Variants in ATXN1 observed in about 807,000 individuals in gnomAD.
The protein encoded by ATXN1 is ataxin 1, also known as ataxin-1.
Under a neutral mutation model 56.4 loss-of-function variants are expected in ATXN1, and 8 were observed. The observed-to-expected ratio is 0.14, with a 90% CI of 0.08 to 0.26. The LOEUF is 0.26. Among genes scored for constraint, ATXN1 ranks in the 10% least tolerant of loss-of-function variants. ATXN1 has a pLI of 1.00. For missense variants in ATXN1, 987 were observed against 1,106.5 expected (o/e 0.89, Z 1.53); for synonymous variants, 514 against 494.6 (o/e 1.04, Z -0.52).
chr6:16,443,269 G>T (rs1042421966), intron 6 of ATXN1, among the ~76,000 whole-genome samples: 1 of 121,366 alleles, frequency 8.2e-6, no homozygotes, highest in African/African-American at 3.1e-5. Flanking sequence ...TAATAAAAAT[G>T]AAAGATATGC....
chr6:16,344,425 C>T (rs1215832553), intron 6 of ATXN1, among the ~76,000 whole-genome samples: 1 of 152,198 alleles, frequency 6.6e-6, no homozygotes, highest in Non-Finnish European at 1.5e-5. Context: ...AAGACCCACC[C>T]TCAATCTGGG....
chr6:16,540,001 CAG>C (rs776519078), intron 4 of ATXN1, among the ~76,000 whole-genome samples: 1 of 152,198 alleles, frequency 6.6e-6, no homozygotes, highest in Non-Finnish European at 1.5e-5. Flanking sequence ...GCCACAGAAA[CAG>C]AGTACTGTTC....
chr6:16,568,628 T>TG (rs1313592067), intron 4 of ATXN1, among the ~76,000 whole-genome samples: 1 of 151,078 alleles, frequency 6.6e-6, no homozygotes, highest in Non-Finnish European at 1.5e-5. Flanking sequence ...GACTTACAAA[T>TG]GAACTTTCTT....
chr6:16,560,052 G>T (rs1356469602), intron 4 of ATXN1, among the ~76,000 whole-genome samples: 1 of 151,964 alleles, frequency 6.6e-6, no homozygotes, highest in Non-Finnish European at 1.5e-5. Flanking sequence ...ATTCAAATTT[G>T]CCCTCTGTTG....
At chr6:16,644,835 G>A (rs1285410424) in intron 3 of ATXN1, among the ~76,000 whole-genome samples, 4 of 152,138 alleles carry the variant, frequency 2.6e-5, no homozygotes, top group African/African-American at 9.7e-5. Flanking sequence ...CAAAGCCTCT[G>A]AAAATCAGCA....
intron 4 of ATXN1, among the ~76,000 whole-genome samples, chr6:16,569,210 G>C (rs1036094751): frequency 2.0e-4 from 30 of 152,190 alleles, no homozygotes; most frequent in African/African-American, 7.0e-4. Context: ...TCAGACCCGG[G>C]TGGTTTAAAA....
chr6:16,744,572 C>T (rs1760460983), intron 2 of ATXN1, among the ~76,000 whole-genome samples: 1 of 152,042 alleles, frequency 6.6e-6, no homozygotes, highest in South Asian at 2.1e-4. Flanking sequence ...AGAGAGGATG[C>T]CACAGCCAGG....
intron 2 of ATXN1, among the ~76,000 whole-genome samples, chr6:16,721,538 G>C (rs920504573): frequency 6.6e-6 from 1 of 152,098 alleles, no homozygotes; most frequent in Non-Finnish European, 1.5e-5. Context: ...GGAACAAGAG[G>C]ACTGCTTGAG....
At chr6:16,645,773 A>G (rs1248394395) in intron 3 of ATXN1, among the ~76,000 whole-genome samples, 2 of 152,242 alleles carry the variant, frequency 1.3e-5, no homozygotes, top group Non-Finnish European at 2.9e-5. Context: ...TAACTTAACC[A>G]GTTTATTTCT....
At chr6:16,479,433 T>C (rs538975329) in intron 6 of ATXN1, among the ~76,000 whole-genome samples, 4 of 152,226 alleles carry the variant, frequency 2.6e-5, no homozygotes, top group Non-Finnish European at 5.9e-5. Flanking sequence ...ATTTATTACA[T>C]AGCTACCACT....
chr6:16,556,960 T>C (rs1448051609), intron 4 of ATXN1, among the ~76,000 whole-genome samples: 1 of 152,108 alleles, frequency 6.6e-6, no homozygotes, highest in Non-Finnish European at 1.5e-5. Flanking sequence ...TAAAAAGGTA[T>C]CCCATATTTA....
rs1760169519 is a variant in ATXN1 at position 16,303,633 on chromosome 6, A to G, written c.*2696T>C. The stretch of plus-strand genomic sequence containing the variant: ...ATTTTATAATTCCTATACCTGAAAT[A>G]GAACCACAAAAATTATGATGATGTT... On this transcript the variant is annotated 3_prime_UTR_variant, in exon 8 of 8. Coordinates refer to ENST00000436367, the MANE Select transcript of ATXN1 (RefSeq NM_001128164.2). The surrounding 1 kb of genome is among the most constrained non-coding windows in gnomAD (Gnocchi z 4.3). 2 of 152,704 alleles carry G rather than the reference A, an allele frequency of 1.3e-5. No homozygotes were observed. The highest frequency in any genetic ancestry group is 2.9e-5 in the Non-Finnish European group (2 of 68,046). 9.5% of individuals were successfully genotyped at this position (152,704 alleles called of 1,614,324 possible). A position where few individuals can be genotyped will look rare whatever the true frequency, so the allele number is the denominator to read the frequency against.
intron 6 of ATXN1, among the ~76,000 whole-genome samples, chr6:16,330,499 C>T (rs1280119713): frequency 6.6e-6 from 1 of 150,502 alleles, no homozygotes; most frequent in Non-Finnish European, 1.5e-5. Context: ...AAGTGATCCT[C>T]CCACCTCAGC....
chr6:16,657,105 T>TCC (rs34587095), intron 3 of ATXN1, among the ~76,000 whole-genome samples: 105,114 of 150,512 alleles, frequency 0.7, 38,032 homozygotes, highest in African/African-American at 0.89. Context: ...TGCCTCAGCC[T>TCC]CCCAAGTAGC....
intron 2 of ATXN1, among the ~76,000 whole-genome samples, chr6:16,751,881 T>C (rs1760730133): frequency 6.6e-6 from 1 of 152,238 alleles, no homozygotes; most frequent in Non-Finnish European, 1.5e-5. Context: ...CTACCCACAG[T>C]ATATCTACTA....
chr6:16,510,567 C>T (rs1761066237), intron 5 of ATXN1, among the ~76,000 whole-genome samples: 1 of 152,054 alleles, frequency 6.6e-6, no homozygotes, highest in African/African-American at 2.4e-5. Flanking sequence ...GAAACCCCAT[C>T]TCTACCAAAA....
At chr6:16,698,425 T>A (rs1006642433) in intron 2 of ATXN1, among the ~76,000 whole-genome samples, 1 of 152,192 alleles carries the variant, frequency 6.6e-6, no homozygotes, top group African/African-American at 2.4e-5. Flanking sequence ...TGCACTTTTC[T>A]TAAACAAATA....
chr6:16,351,783 G>A (rs952767699), intron 6 of ATXN1, among the ~76,000 whole-genome samples: 14 of 152,112 alleles, frequency 9.2e-5, no homozygotes, highest in Admixed American at 3.9e-4. Flanking sequence ...TTTCAGTATC[G>A]CAGCTTGAGC....
intron 2 of ATXN1, among the ~76,000 whole-genome samples, chr6:16,663,800 G>T (rs1376535818): frequency 6.6e-6 from 1 of 152,150 alleles, no homozygotes; most frequent in Admixed American, 6.5e-5. Context: ...AAGTAGCTGG[G>T]ATTACAGGTG....
Sources: gnomAD v4.1 joint callset for allele counts (sites outside exome capture counted in the v4.1 genomes callset) on GRCh38, gnomAD v4.1.1 for gene constraint, Gnocchi (gnomAD v3.1) non-coding constraint, MANE v1.5 for transcripts, NCBI Gene and HGNC (gene_info 2026-07-23, HGNC 2026-07-21) for gene names.